The following TAFA5 variants were observed in gnomAD, a reference collection of about 807,000 sequenced individuals.
TAFA5 encodes the protein chemokine-like protein TAFA-5.
In TAFA5, 6 loss-of-function variants were observed where a neutral mutation model predicts 15.3. The observed-to-expected ratio is 0.39, with a 90% CI of 0.21 to 0.77. TAFA5 has a LOEUF of 0.77. Among genes scored for constraint, TAFA5 ranks in the 30% least tolerant of loss-of-function variants. The pLI is 0.41. For missense variants in TAFA5, 161 were observed against 193.1 expected, an observed-to-expected ratio of 0.83 and a Z score of 0.98; for synonymous variants, 103 against 80.7, an observed-to-expected ratio of 1.28 and a Z score of -1.48.
At position 48,654,296 on chromosome 22, in the gene TAFA5, G is replaced by T. The variant is rs573289886; in HGVS notation, c.262+7550G>T. Reference sequence around the variant, plus strand: ...CCTGGGCAGACCACCACCCTCCCCTGGGGCTGGGGCGCTGGTGTCCTGGCC... The same window carrying T: ...CCTGGGCAGACCACCACCCTCCCCTTGGGCTGGGGCGCTGGTGTCCTGGCC... On this transcript the variant is annotated intron_variant, in intron 2 of 3. Transcript: ENST00000402357. Among the ~76,000 whole-genome samples, 91 of 152,178 alleles carry T rather than the reference G, an allele frequency of 6.0e-4. 1 individual carries two copies. The highest frequency in any genetic ancestry group is 2.1e-4 in the Non-Finnish European group (14 of 68,020).
chr22:48,613,980 G>C (rs1050490532), intron 1 of TAFA5, among the ~76,000 whole-genome samples: 1 of 152,232 alleles, frequency 6.6e-6, no homozygotes, highest in Non-Finnish European at 1.5e-5. Context: ...TGCGAGATGG[G>C]ATTCTGTGGA....
intron 1 of TAFA5, among the ~76,000 whole-genome samples, chr22:48,593,192 G>T (rs986019399): frequency 2.0e-5 from 3 of 152,208 alleles, no homozygotes; most frequent in African/African-American, 7.2e-5. Flanking sequence ...TGAGGCCGAG[G>T]CCAGCCCAGG....
chr22:48,653,545 A>G (rs922037670), intron 2 of TAFA5, among the ~76,000 whole-genome samples: 1 of 152,190 alleles, frequency 6.6e-6, no homozygotes, highest in Non-Finnish European at 1.5e-5. Context: ...TACAATGGCA[A>G]CTGTGCTAAA....
intron 1 of TAFA5, among the ~76,000 whole-genome samples, chr22:48,608,134 C>CTCCCACGGCCCCAGG (rs1925267421): frequency 8.5e-5 from 13 of 152,086 alleles, no homozygotes; most frequent in African/African-American, 1.4e-4. Flanking sequence ...CTGCCAGACC[C>CTCCCACGGCCCCAGG]CTGCTTCTCG....
At position 48,580,721 on chromosome 22, in the gene TAFA5, GCCTGCACC is replaced by G. The variant is rs1426799882; in HGVS notation, c.113-65866_113-65859del. On this transcript the variant is annotated intron_variant, in intron 1 of 3. Transcript: ENST00000402357. ...GTTCTCAATGCTTACGGCCAGCTGT[GCCTGCACC>G]CCTGCACCCAGTCTTGGCATGGGGC... Among the ~76,000 whole-genome samples, 4 of 152,340 alleles carry G rather than the reference GCCTGCACC, an allele frequency of 2.6e-5. No individual in the cohort carries two copies. In the East Asian group the frequency reaches 7.7e-4, roughly 29 times the overall value.
intron 1 of TAFA5, among the ~76,000 whole-genome samples, chr22:48,628,893 G>C (rs1172391317): frequency 6.6e-6 from 1 of 152,224 alleles, no homozygotes; most frequent in African/African-American, 2.4e-5. Context: ...TTAGGAGATG[G>C]CACCTGGGGC....
intron 1 of TAFA5, among the ~76,000 whole-genome samples, chr22:48,633,904 T>C (rs1021519218): frequency 6.6e-6 from 1 of 152,212 alleles, no homozygotes; most frequent in African/African-American, 2.4e-5. Flanking sequence ...CTGTGTTTAT[T>C]TCTCACAATC....
intron 3 of TAFA5, among the ~76,000 whole-genome samples, chr22:48,736,006 A>C (rs1387216232): frequency 1.2e-4 from 7 of 58,446 alleles, no homozygotes; most frequent in Non-Finnish European, 1.8e-4. Flanking sequence ...TCCAGAGTCC[A>C]TCCCCCCAGG....
chr22:48,508,965 C>T (rs1337415554), intron 1 of TAFA5, among the ~76,000 whole-genome samples: 2 of 152,176 alleles, frequency 1.3e-5, no homozygotes, highest in East Asian at 1.9e-4. Flanking sequence ...TCTCCCTAGC[C>T]TCCTCCCCTC....
intron 1 of TAFA5, among the ~76,000 whole-genome samples, chr22:48,524,637 T>G (rs559691869): frequency 4.6e-5 from 7 of 152,320 alleles, no homozygotes; most frequent in African/African-American, 1.7e-4. Context: ...TGGGCATGGT[T>G]AGTTCTCACA....
chr22:48,719,284 C>T (rs1929497600), intron 3 of TAFA5, among the ~76,000 whole-genome samples: 1 of 152,154 alleles, frequency 6.6e-6, no homozygotes, highest in African/African-American at 2.4e-5. Context: ...GGTGAGGTGG[C>T]ACGTCCCGTT....
intron 2 of TAFA5, among the ~76,000 whole-genome samples, chr22:48,663,267 A>G (rs1431756391): frequency 3.3e-5 from 5 of 152,198 alleles, no homozygotes; most frequent in Admixed American, 1.3e-4. Flanking sequence ...GCTGCTTCTC[A>G]AGGTCAAGCC....
chr22:48,603,816 A>T (rs1925061065), intron 1 of TAFA5, among the ~76,000 whole-genome samples: 1 of 152,142 alleles, frequency 6.6e-6, no homozygotes, highest in African/African-American at 2.4e-5. Context: ...CTTGGCAAGC[A>T]GCAGCAAGTG....
chr22:48,735,919 C>T (rs1404741312), intron 3 of TAFA5, among the ~76,000 whole-genome samples: 1 of 150,112 alleles, frequency 6.7e-6, no homozygotes, highest in Non-Finnish European at 1.5e-5. Context: ...AGTCCATCCC[C>T]CCAGGAGGAA....
chr22:48,528,518 T>G (rs543983708), intron 1 of TAFA5, among the ~76,000 whole-genome samples: 11 of 152,220 alleles, frequency 7.2e-5, no homozygotes, highest in Admixed American at 5.2e-4. Context: ...CCAGCTCCCA[T>G]CAAGGGTGGT....
intron 1 of TAFA5, among the ~76,000 whole-genome samples, chr22:48,559,737 C>T (rs768332704): frequency 4.6e-5 from 7 of 152,050 alleles, no homozygotes; most frequent in Non-Finnish European, 7.4e-5. Context: ...GGGCACAGCC[C>T]GAGCCAGGCA....
chr22:48,641,555 G>C (rs1450567699), intron 1 of TAFA5, among the ~76,000 whole-genome samples: 1 of 119,844 alleles, frequency 8.3e-6, no homozygotes, highest in Non-Finnish European at 1.7e-5. Context: ...CCTCGCACAC[G>C]ATGCCCTCCC....
chr22:48,662,539 G>A (rs1927480146), intron 2 of TAFA5, among the ~76,000 whole-genome samples: 1 of 152,082 alleles, frequency 6.6e-6, no homozygotes, highest in Non-Finnish European at 1.5e-5. Context: ...GAGACCGTGT[G>A]GAGGGCAGAG....
intron 2 of TAFA5, among the ~76,000 whole-genome samples, chr22:48,651,749 G>A (rs1352034406): frequency 6.6e-6 from 1 of 152,196 alleles, no homozygotes; most frequent in Non-Finnish European, 1.5e-5. Flanking sequence ...GCACCACGAG[G>A]GGGATCTGTG....
Sources: allele counts gnomAD v4.1 joint callset (sites outside exome capture counted in the v4.1 genomes callset), GRCh38; gene constraint gnomAD v4.1.1; transcripts MANE v1.5; gene names NCBI Gene and HGNC (gene_info 2026-07-23, HGNC 2026-07-21).